TAF1A: variants seen among roughly 807,000 people sequenced by gnomAD.
TAF1A encodes the protein TATA-box binding protein associated factor, RNA polymerase I subunit A.
A neutral mutation model predicts 61.6 loss-of-function variants in TAF1A; 42 were observed. That is an observed-to-expected ratio of 0.68 (90% CI 0.53 to 0.88). The LOEUF (loss-of-function observed/expected upper bound fraction) is 0.88, where lower values mean the gene tolerates loss of function less well. Ranked by LOEUF, TAF1A falls within the 40% of genes least tolerant of loss-of-function variation. TAF1A has a pLI of 0.00. For synonymous variants in TAF1A, 179 were observed against 177.7 expected (o/e 1.01, Z -0.06); for missense variants, 424 against 518.7 (o/e 0.82, Z 1.77).
intron 2 of TAF1A, among the ~76,000 whole-genome samples, chr1:222,586,184 A>C (rs1661007229): frequency 1.3e-5 from 2 of 152,152 alleles, no homozygotes; most frequent in Non-Finnish European, 2.9e-5. Flanking sequence ...ACTACAGAGT[A>C]CTATGCCCAG....
At chr1:222,572,784 A>C (rs901313071) in intron 5 of TAF1A, among the ~76,000 whole-genome samples, 9 of 152,240 alleles carry the variant, frequency 5.9e-5, no homozygotes, top group Non-Finnish European at 1.3e-4. Flanking sequence ...ACTTCATAAA[A>C]ATTAACTCAA....
At chr1:222,576,253 G>A (rs764700953) in intron 5 of TAF1A, among the ~76,000 whole-genome samples, 5 of 152,102 alleles carry the variant, frequency 3.3e-5, no homozygotes, top group African/African-American at 4.8e-5. Context: ...CTCTACAAAG[G>A]CCTCACAAGA....
intron 9 of TAF1A, among the ~76,000 whole-genome samples, chr1:222,562,665 G>A (rs1308983218): frequency 6.6e-6 from 1 of 152,094 alleles, no homozygotes; most frequent in East Asian, 1.9e-4. Flanking sequence ...CTCAAAATGT[G>A]ACACTAACAA....
At position 222,577,660 on chromosome 1, in the gene TAF1A, G is replaced by T; in HGVS notation, c.406-17C>A. On this transcript the variant is annotated splice_polypyrimidine_tract_variant and intron_variant, in intron 4 of 10. Transcript: ENST00000352967. ...TAAGGAGATCTGCAAAAATAATAAGGGTACACCGCCATTTAAGCCATTAGA... is the reference window on the plus strand; with the variant it reads ...TAAGGAGATCTGCAAAAATAATAAGTGTACACCGCCATTTAAGCCATTAGA... 1 of 1,608,286 alleles carries T rather than the reference G, an allele frequency of 6.2e-7. No homozygotes were observed. The highest frequency in any genetic ancestry group is 1.1e-5 in the South Asian group (1 of 90,910).
chr1:222,585,331 C>A (rs1322669394), intron 2 of TAF1A, among the ~76,000 whole-genome samples: 2 of 151,698 alleles, frequency 1.3e-5, no homozygotes, highest in African/African-American at 4.9e-5. Context: ...ACTAAGGTTT[C>A]TCAGAATTTA....
Position 222,589,869 on chromosome 1 carries a change from G to A in TAF1A, c.-145C>T, listed in dbSNP as rs777219064. 6 of 394,914 alleles carry A rather than the reference G, an allele frequency of 1.5e-5. No homozygotes were observed. Among genetic ancestry groups the A allele is most frequent in the East Asian group, 1.4e-4 (4 of 27,938 alleles). 24.5% of individuals were successfully genotyped at this position (394,914 alleles called of 1,614,324 possible). On this transcript the variant is annotated 5_prime_UTR_variant, in exon 1 of 11. Coordinates refer to ENST00000352967, the MANE Select transcript of TAF1A (RefSeq NM_005681.4). The stretch of plus-strand genomic sequence containing the variant: ...TGGTTTAGGTATTTAGGCAGCGCGC[G>A]GCCCGGCTCGTAACTCCTCCTGCTG...
At chr1:222,586,908 A>G (rs1023965602) in intron 2 of TAF1A, among the ~76,000 whole-genome samples, 2 of 152,252 alleles carry the variant, frequency 1.3e-5, no homozygotes, top group South Asian at 4.1e-4. Flanking sequence ...TTGCAGACCA[A>G]AAGTATTTTC....
At chr1:222,573,712 C>A (rs1660451557) in intron 5 of TAF1A, among the ~76,000 whole-genome samples, 1 of 152,098 alleles carries the variant, frequency 6.6e-6, no homozygotes, top group African/African-American at 2.4e-5. Context: ...AAAGGATAAA[C>A]TTAGAGTTAT....
downstream of TAF1A, among the ~76,000 whole-genome samples, chr1:222,556,935 C>A (rs1485561349): frequency 1.3e-5 from 2 of 152,222 alleles, no homozygotes; most frequent in Non-Finnish European, 2.9e-5. Context: ...GAATTATGGA[C>A]TCCCTATTTA....
chr1:222,575,284 G>T (rs1262742852), intron 5 of TAF1A, among the ~76,000 whole-genome samples: 1 of 152,066 alleles, frequency 6.6e-6, no homozygotes, highest in African/African-American at 2.4e-5. Flanking sequence ...AGTTTGGAAG[G>T]CTGAGGCAGG....
rs1660023945 is a variant in TAF1A, at chr1:222,564,126, C to G, written c.895-1G>C. On this transcript the variant is annotated splice_acceptor_variant, in intron 7 of 10. Transcript: ENST00000352967. LOFTEE classifies it high-confidence loss of function. ...GAGATGGTACAATCTGATACAAAATCTGAAAGAAAGAACAGTCTTGTAATC... is the reference window on the plus strand; with the variant it reads ...GAGATGGTACAATCTGATACAAAATGTGAAAGAAAGAACAGTCTTGTAATC... 1.3e-6 allele frequency: 2 copies of G among 1,548,104 alleles called. No homozygotes were observed. The highest frequency in any genetic ancestry group is 3.5e-5 in the Admixed American group (2 of 56,782).
intron 5 of TAF1A, among the ~76,000 whole-genome samples, chr1:222,575,345 A>G (rs1660524801): frequency 6.6e-6 from 1 of 151,486 alleles, no homozygotes; most frequent in Admixed American, 6.6e-5. Flanking sequence ...ACACAGTAAG[A>G]CCCCATCTTC....
At chr1:222,583,837 CAA>C (rs200580139) in intron 3 of TAF1A, among the ~76,000 whole-genome samples, 8 of 90,034 alleles carry the variant, frequency 8.9e-5, no homozygotes, top group Non-Finnish European at 9.1e-5. Context: ...GACTCCGTCT[CAA>C]AAAAAAAAAA....
chr1:222,567,435 A>T lies in TAF1A; in HGVS notation c.894+2075T>A, dbSNP rs577617487. On this transcript the variant is annotated intron_variant, in intron 7 of 10. Transcript: ENST00000352967. ...TGCCACTAAATTATATGCTTTAAAA[A>T]TGATCAAAATGGTAACATTTATTTT... 3.3e-5 allele frequency among the ~76,000 whole-genome samples: 5 copies of T among 152,364 alleles called. No individual in the cohort carries two copies. The South Asian group carries it at 1.0e-3, about 32-fold the overall frequency.
At chr1:222,558,103 T>G (rs1659775037), downstream of TAF1A, 1 of 151,958 alleles carries the variant, frequency 6.6e-6, no homozygotes, top group African/African-American at 2.4e-5. Context: ...AGGCTGGTCT[T>G]GAACTCCTGA....
At position 222,573,023 on chromosome 1, in the gene TAF1A, C is replaced by T. The variant is rs144416359; in HGVS notation, c.605-2358G>A. 6.9e-4 allele frequency among the ~76,000 whole-genome samples: 105 copies of T among 152,308 alleles called. No individual in the cohort carries two copies. In the East Asian group the frequency reaches 0.019, roughly 28 times the overall value. On this transcript the variant is annotated intron_variant, in intron 5 of 10. Transcript: ENST00000352967. Reference sequence around the variant, plus strand: ...GTGGCTCACATCTGTAATTCCAACACTTTGGGAGGCTGAGGTGGGCAGATC... The same window carrying T: ...GTGGCTCACATCTGTAATTCCAACATTTTGGGAGGCTGAGGTGGGCAGATC...
At chr1:222,576,584 C>T (rs939769079) in intron 5 of TAF1A, among the ~76,000 whole-genome samples, 2 of 152,084 alleles carry the variant, frequency 1.3e-5, no homozygotes, top group Non-Finnish European at 2.9e-5. Flanking sequence ...GATGATAACA[C>T]CATTGAAGGT....
chr1:222,554,885 C>T (rs1659709425), downstream of TAF1A, among the ~76,000 whole-genome samples: 1 of 152,110 alleles, frequency 6.6e-6, no homozygotes, highest in Non-Finnish European at 1.5e-5. Flanking sequence ...AGATGTAATT[C>T]ACATTCCATA....
intron 3 of TAF1A, among the ~76,000 whole-genome samples, chr1:222,583,058 G>C (rs1216183310): frequency 6.6e-6 from 1 of 152,102 alleles, no homozygotes; most frequent in East Asian, 1.9e-4. Context: ...GGTGGTGCAT[G>C]CCTGCAATCC....
Sources: allele counts gnomAD v4.1 joint callset (sites outside exome capture counted in the v4.1 genomes callset), GRCh38; gene constraint gnomAD v4.1.1; transcripts MANE v1.5; gene names NCBI Gene and HGNC (gene_info 2026-07-23, HGNC 2026-07-21).